CENPQ: variants seen among roughly 807,000 people sequenced by gnomAD.
CENPQ encodes the protein centromere protein Q, also known as chromosome 6 open reading frame 139.
CENPQ carries 27 observed loss-of-function variants against 36.6 expected under a neutral mutation model. That is an observed-to-expected ratio of 0.74 (90% CI 0.54 to 1.02). The LOEUF (loss-of-function observed/expected upper bound fraction) is 1.02. Ranked by LOEUF, CENPQ falls within the 50% of genes least tolerant of loss-of-function variation. The pLI is 0.00. For synonymous variants in CENPQ, 101 were observed against 101.7 expected (o/e 0.99, Z 0.04); for missense variants, 306 against 301.8 (o/e 1.01, Z -0.10).
chr6:49,489,289 G>C (rs1208430742), intron 8 of CENPQ, among the ~76,000 whole-genome samples: 1 of 152,172 alleles, frequency 6.6e-6, no homozygotes, highest in East Asian at 1.9e-4. Context: ...ATCATGAATA[G>C]ATTCCATCTC....
At chr6:49,473,824 A>T (rs548850608) in intron 5 of CENPQ, among the ~76,000 whole-genome samples, 15 of 152,320 alleles carry the variant, frequency 9.8e-5, no homozygotes, top group Non-Finnish European at 1.8e-4. Flanking sequence ...ATGGAGAAAG[A>T]TCTACCAAGC....
intron 1 of CENPQ, among the ~76,000 whole-genome samples, chr6:49,469,101 T>C (rs1336176199): frequency 1.3e-5 from 2 of 152,220 alleles, no homozygotes; most frequent in African/African-American, 4.8e-5. Context: ...TTGCTAAATG[T>C]AGTTTGTGAT....
In CENPQ at chr6:49,480,861, A is replaced by G. The variant is rs939060478; in HGVS notation, c.348-90A>G. 4.6e-6 allele frequency: 4 copies of G among 860,312 alleles called. No individual in the cohort carries two copies. The African/African-American group carries it at 5.2e-5, about 11-fold the overall frequency. The allele number at this position is 860,312 out of a possible 1,614,324, so 53.3% of individuals were successfully genotyped here. A position where few individuals can be genotyped will look rare whatever the true frequency, so the allele number is the denominator to read the frequency against. On this transcript the variant is annotated intron_variant, in intron 5 of 8. Transcript: ENST00000335783. Reference sequence around the variant, plus strand: ...AATAAAAGAATATTGTACCCTTAAGAATATGAGGACAAGAAAAAATGAGGA... The same window carrying G: ...AATAAAAGAATATTGTACCCTTAAGGATATGAGGACAAGAAAAAATGAGGA...
At chr6:49,481,816 C>T (rs1276747113) in intron 6 of CENPQ, among the ~76,000 whole-genome samples, 5 of 149,562 alleles carry the variant, frequency 3.3e-5, no homozygotes, top group African/African-American at 7.3e-5. Context: ...AGTCCCACAC[C>T]GTGTGCCAGC....
intron 5 of CENPQ, among the ~76,000 whole-genome samples, chr6:49,479,416 T>C (rs1581850656): frequency 1.3e-5 from 2 of 152,006 alleles, no homozygotes; most frequent in East Asian, 3.9e-4. Context: ...GAAATGCAAA[T>C]GAAAACCACA....
intron 1 of CENPQ, among the ~76,000 whole-genome samples, chr6:49,464,643 C>A (rs971617593): frequency 1.3e-5 from 2 of 152,350 alleles, no homozygotes; most frequent in Middle Eastern, 3.4e-3. Flanking sequence ...GTTGATATTT[C>A]AAGAATATTC....
chr6:49,465,863 A>G (rs898679187), intron 1 of CENPQ, among the ~76,000 whole-genome samples: 1 of 152,168 alleles, frequency 6.6e-6, no homozygotes, highest in Non-Finnish European at 1.5e-5. Context: ...CTTATCATTC[A>G]TGTCTTCACT....
At chr6:49,465,546 C>T (rs995015776) in intron 1 of CENPQ, among the ~76,000 whole-genome samples, 2 of 152,206 alleles carry the variant, frequency 1.3e-5, no homozygotes, top group Non-Finnish European at 2.9e-5. Flanking sequence ...AGTGTAGCCC[C>T]TTCATCAATT....
At chr6:49,468,706 G>C (rs1768061107) in intron 1 of CENPQ, among the ~76,000 whole-genome samples, 1 of 152,178 alleles carries the variant, frequency 6.6e-6, no homozygotes, top group Non-Finnish European at 1.5e-5. Context: ...TGCTCAAACA[G>C]CTTCAGAGTC....
intron 5 of CENPQ, among the ~76,000 whole-genome samples, chr6:49,479,137 T>C (rs1452189208): frequency 6.6e-6 from 1 of 152,190 alleles, no homozygotes; most frequent in Non-Finnish European, 1.5e-5. Context: ...TAACTAGAGT[T>C]TGTCTTAACA....
In CENPQ at chr6:49,480,955, C is replaced by T. The variant is rs746228409; in HGVS notation, c.352C>T (p.Leu118=). The change falls in exon 6 of 9, where the codon CTA becomes TTA. Residue 118 remains leucine, a synonymous_variant. Coordinates refer to ENST00000335783, the MANE Select transcript of CENPQ (RefSeq NM_018132.4). ...YHLNFLKKRL[L]QQCETLKVPP... ...TGTTTTTATTTTATCCTTAAGATTG[C>T]TACAACAGTGTGAAACTCTGAAAGT... 2.5e-6 allele frequency: 4 copies of T among 1,590,804 alleles called. No individual in the cohort carries two copies. The African/African-American group carries it at 4.1e-5, about 16-fold the overall frequency.
At chr6:49,468,764 A>G (rs556549876) in intron 1 of CENPQ, among the ~76,000 whole-genome samples, 11 of 152,184 alleles carry the variant, frequency 7.2e-5, no homozygotes, top group Non-Finnish European at 1.5e-4. Context: ...CTCATTAACA[A>G]TCATGAGAAG....
intron 8 of CENPQ, among the ~76,000 whole-genome samples, chr6:49,490,721 T>C (rs1310598572): frequency 6.6e-6 from 1 of 152,174 alleles, no homozygotes; most frequent in South Asian, 2.1e-4. Context: ...TTAGAGGCCA[T>C]TGTAGCATTA....
intron 6 of CENPQ, among the ~76,000 whole-genome samples, chr6:49,482,396 C>T (rs1768458095): frequency 6.6e-6 from 1 of 152,188 alleles, no homozygotes. Flanking sequence ...AATCCCCCCT[C>T]TAAACAGGAC....
intron 5 of CENPQ, among the ~76,000 whole-genome samples, chr6:49,477,755 G>A (rs1338324525): frequency 6.6e-6 from 1 of 152,070 alleles, no homozygotes; most frequent in East Asian, 1.9e-4. Flanking sequence ...AGTTTGCTGA[G>A]AAAGGTTTAA....
In CENPQ at chr6:49,492,410, A is replaced by T. The variant is rs910935955; in HGVS notation, c.*135A>T. On this transcript the variant is annotated 3_prime_UTR_variant, in exon 9 of 9. Coordinates refer to ENST00000335783, the MANE Select transcript of CENPQ (RefSeq NM_018132.4). ...ATCTCCTGATATGCACTTTAAAATTAGTCTTTGTAGTTCTATCATTAGCAT... is the reference window on the plus strand; with the variant it reads ...ATCTCCTGATATGCACTTTAAAATTTGTCTTTGTAGTTCTATCATTAGCAT... The T allele has an allele frequency of 1.3e-5, 10 of 742,282 alleles. No individual in the cohort carries two copies. In the African/African-American group the frequency reaches 1.6e-4, roughly 12 times the overall value. 46.0% of individuals were successfully genotyped at this position (742,282 alleles called of 1,614,324 possible). A position where few individuals can be genotyped will look rare whatever the true frequency, so the allele number is the denominator to read the frequency against.
intron 1 of CENPQ, among the ~76,000 whole-genome samples, chr6:49,466,751 T>G (rs1022421221): frequency 6.6e-6 from 1 of 152,230 alleles, no homozygotes; most frequent in African/African-American, 2.4e-5. Flanking sequence ...ATATATTCTT[T>G]GTTACATCAT....
intron 6 of CENPQ, among the ~76,000 whole-genome samples, chr6:49,488,088 T>C (rs550242914): frequency 7.9e-5 from 12 of 152,324 alleles, no homozygotes; most frequent in Admixed American, 3.3e-4. Context: ...CCTACCAGCA[T>C]TGGTACGTTT....
intron 6 of CENPQ, 24 bp from the exon 7 acceptor site, chr6:49,488,328 G>GT (rs761202102): frequency 4.3e-5 from 66 of 1,542,978 alleles, no homozygotes; most frequent in South Asian, 4.8e-5. Flanking sequence ...AAGTTAAAAT[G>GT]TTTTTTTTCT....
Sources: gnomAD v4.1 joint callset for allele counts (sites outside exome capture counted in the v4.1 genomes callset) on GRCh38, gnomAD v4.1.1 for gene constraint, MANE v1.5 for transcripts, NCBI Gene and HGNC (gene_info 2026-07-23, HGNC 2026-07-21) for gene names.